Variants in EPB41L5 observed in about 807,000 individuals in gnomAD.
The protein encoded by EPB41L5 is erythrocyte membrane protein band 4.1 like 5.
Under a neutral mutation model 106.6 loss-of-function variants are expected in EPB41L5, and 55 were observed. The observed-to-expected ratio is 0.52, with a 90% CI of 0.42 to 0.65. EPB41L5 has a LOEUF of 0.65. EPB41L5 is among the 30% of genes least tolerant of loss of function. The pLI, the probability that EPB41L5 is intolerant of heterozygous loss-of-function variation, is 0.00. For missense variants in EPB41L5, 871 were observed against 882.1 expected (o/e 0.99, Z 0.16); for synonymous variants, 297 against 306.7 (o/e 0.97, Z 0.33).
intron 3 of EPB41L5, among the ~76,000 whole-genome samples, chr2:120,055,109 T>A (rs938164677): frequency 6.6e-6 from 1 of 152,152 alleles, no homozygotes; most frequent in African/African-American, 2.4e-5. Flanking sequence ...GCAATCCGCC[T>A]GCCTCGGCCT....
chr2:120,104,527 CTG>C lies in EPB41L5; in HGVS notation c.1337+3715_1337+3716del, dbSNP rs1436679739. 5 of 1,046,706 alleles carry C rather than the reference CTG, an allele frequency of 4.8e-6. No homozygotes were observed. The African/African-American group carries it at 8.4e-5, about 18-fold the overall frequency. The allele number at this position is 1,046,706 out of a possible 1,614,324, so 64.8% of individuals were successfully genotyped here. Reference sequence around the variant, plus strand: ...CTTAGTATGTTCACACATCACCAGACTGTATCTCAGGAGAAGGTTTGTGTTTG... The same window carrying C: ...CTTAGTATGTTCACACATCACCAGACTATCTCAGGAGAAGGTTTGTGTTTG... On this transcript the variant is annotated intron_variant, in intron 16 of 24. Transcript: ENST00000263713.
chr2:120,013,905 A>G (rs1574450075), intron 1 of EPB41L5, among the ~76,000 whole-genome samples: 1 of 152,252 alleles, frequency 6.6e-6, no homozygotes, highest in African/African-American at 2.4e-5. Context: ...AACCGTGTAC[A>G]TTTGTAATGT....
intron 20 of EPB41L5, among the ~76,000 whole-genome samples, chr2:120,159,260 TAAAA>T (rs755674025): frequency 1.5e-4 from 19 of 124,408 alleles, no homozygotes; most frequent in Non-Finnish European, 1.0e-4. Context: ...CCGTCTCTAC[TAAAA>T]AAAAAAAAAA....
intron 10 of EPB41L5, among the ~76,000 whole-genome samples, chr2:120,083,354 CATT>C (rs1682819532): frequency 6.6e-6 from 1 of 152,182 alleles, no homozygotes; most frequent in South Asian, 2.1e-4. Flanking sequence ...GCCTTCATTT[CATT>C]ATGTACCCAG....
At chr2:120,028,002 A>G (rs183118941) in intron 2 of EPB41L5, among the ~76,000 whole-genome samples, 137 of 151,822 alleles carry the variant, frequency 9.0e-4, no homozygotes, top group Non-Finnish European at 1.2e-3. Flanking sequence ...CACTGGGATT[A>G]CAGGCGCCCA....
intron 2 of EPB41L5, among the ~76,000 whole-genome samples, chr2:120,035,110 T>G (rs1678959692): frequency 6.6e-6 from 1 of 152,192 alleles, no homozygotes; most frequent in African/African-American, 2.4e-5. Flanking sequence ...ATTACATAGT[T>G]ATGTCACTCA....
rs768157420 is a variant in EPB41L5 at position 120,078,497 on chromosome 2, G to C, written c.719G>C (p.Arg240Thr). Residue 240 changes from arginine to threonine, a missense_variant, in exon 10 of 25, where the codon AGA (arginine) becomes ACA (threonine). Coordinates refer to ENST00000263713, the MANE Select transcript of EPB41L5 (RefSeq NM_020909.4). ...ATTTTTCTCCCCTTAAATTAGGCTA[G>C]AGATGGGAATGACTATAGTTTGGGA... is the stretch of plus-strand genomic sequence containing the variant. ...YGVDMHVVKA[R>T]DGNDYSLGLT... 4.4e-6 allele frequency: 7 copies of C among 1,601,870 alleles called. No homozygotes were observed. The highest frequency in any genetic ancestry group is 5.1e-6 in the Non-Finnish European group (6 of 1,174,794).
intron 14 of EPB41L5, among the ~76,000 whole-genome samples, chr2:120,099,381 A>G (rs1454807783): frequency 4.0e-5 from 6 of 149,500 alleles, no homozygotes; most frequent in Admixed American, 4.0e-4. Context: ...GGTTTTTTCA[A>G]GTGCTTTTTG....
chr2:120,081,318 T>C (rs193154601), intron 10 of EPB41L5, among the ~76,000 whole-genome samples: 6,954 of 152,322 alleles, frequency 0.046, 227 homozygotes, highest in Non-Finnish European at 0.071. Context: ...GTTTCAGCTT[T>C]CTACATACGG....
chr2:120,050,197 T>C (rs937686465), intron 3 of EPB41L5, among the ~76,000 whole-genome samples: 9 of 152,186 alleles, frequency 5.9e-5, no homozygotes, highest in African/African-American at 1.9e-4. Flanking sequence ...TTTCCTGAAT[T>C]TGAATGTTGG....
At chr2:120,068,342 A>G (rs924446886) in intron 3 of EPB41L5, among the ~76,000 whole-genome samples, 1 of 152,186 alleles carries the variant, frequency 6.6e-6, no homozygotes, top group African/African-American at 2.4e-5. Flanking sequence ...TTCAAGCACA[A>G]AACTGGGTGG....
chr2:120,094,672 G>A (rs149034547), intron 14 of EPB41L5, among the ~76,000 whole-genome samples: 2 of 152,060 alleles, frequency 1.3e-5, no homozygotes, highest in African/African-American at 4.8e-5. Flanking sequence ...GGTTATCTGA[G>A]ATCTTTATTT....
At chr2:120,018,952 T>C in intron 1 of EPB41L5, 125 bp from the exon 2 acceptor site, 1 of 822,412 alleles carries the variant, frequency 1.2e-6, no homozygotes, top group South Asian at 1.8e-5. Flanking sequence ...AGCCCAGGTG[T>C]CCTTTTTAGT....
Position 120,177,172 on chromosome 2 carries a change from G to A in EPB41L5, c.*2265G>A, listed in dbSNP as rs1206811351. On this transcript the variant is annotated 3_prime_UTR_variant, in exon 25 of 25. Coordinates refer to ENST00000263713, the MANE Select transcript of EPB41L5 (RefSeq NM_020909.4). ...TCTGCTCCCCTGAGAACAGTGTGGT[G>A]GGGAGAGGCAGGGCTGAGGTGGTCT... The A allele has an allele frequency of 6.6e-6, 1 of 152,338 alleles. No individual in the cohort carries two copies. Among genetic ancestry groups the A allele is most frequent in the African/African-American group, 2.4e-5 (1 of 41,442 alleles). The allele number at this position is 152,338 out of a possible 1,614,324, so 9.4% of individuals were successfully genotyped here.
Position 120,175,840 on chromosome 2 carries a change from A to G in EPB41L5, c.*933A>G, listed in dbSNP as rs918863266. ...CATTTCCTTTCAGTATAAGCTGAAT[A>G]AATTTAGAGCTTTCAAACTGGAAAA... On this transcript the variant is annotated 3_prime_UTR_variant, in exon 25 of 25. Coordinates refer to ENST00000263713, the MANE Select transcript of EPB41L5 (RefSeq NM_020909.4). 2 of 152,252 alleles carry G rather than the reference A, an allele frequency of 1.3e-5. No individual in the cohort carries two copies. Among genetic ancestry groups the G allele is most frequent in the African/African-American group, 4.8e-5 (2 of 41,462 alleles). The allele number at this position is 152,252 out of a possible 1,614,324, so 9.4% of individuals were successfully genotyped here.
At chr2:120,075,261 T>C (rs1682150697) in intron 5 of EPB41L5, among the ~76,000 whole-genome samples, 1 of 152,212 alleles carries the variant, frequency 6.6e-6, no homozygotes, top group Non-Finnish European at 1.5e-5. Context: ...GAGAAAAATA[T>C]TTAAGGTGAT....
At chr2:120,083,639 G>A (rs890680137) in intron 10 of EPB41L5, among the ~76,000 whole-genome samples, 1 of 152,166 alleles carries the variant, frequency 6.6e-6, no homozygotes, top group Non-Finnish European at 1.5e-5. Flanking sequence ...GCAGAGCTGA[G>A]TTCAATTCCT....
At chr2:120,060,964 A>AT (rs1680999822) in intron 3 of EPB41L5, among the ~76,000 whole-genome samples, 1 of 149,048 alleles carries the variant, frequency 6.7e-6, no homozygotes, top group Non-Finnish European at 1.5e-5. Flanking sequence ...TCAAAAATAT[A>AT]TATCTGTGCT....
At chr2:120,138,292 C>G (rs774174510) in intron 18 of EPB41L5, among the ~76,000 whole-genome samples, 2 of 151,970 alleles carry the variant, frequency 1.3e-5, no homozygotes, top group Admixed American at 6.6e-5. Flanking sequence ...TGGAAAAAGG[C>G]AAGGATGCCC....
Sources: gnomAD v4.1 joint callset for allele counts (sites outside exome capture counted in the v4.1 genomes callset) on GRCh38, gnomAD v4.1.1 for gene constraint, MANE v1.5 for transcripts, NCBI Gene and HGNC (gene_info 2026-07-23, HGNC 2026-07-21) for gene names.